SULF1: variants seen among roughly 807,000 people sequenced by gnomAD.
The protein encoded by SULF1 is extracellular sulfatase Sulf-1.
A neutral mutation model predicts 110.5 loss-of-function variants in SULF1; 46 were observed. The ratio of observed to expected loss-of-function variants is 0.42; its 90% CI spans 0.33 to 0.53. The LOEUF (loss-of-function observed/expected upper bound fraction) is 0.53, where lower values mean the gene tolerates loss of function less well. Ranked by LOEUF, SULF1 falls within the 20% of genes least tolerant of loss-of-function variation. The pLI, the probability that SULF1 is intolerant of heterozygous loss-of-function variation, is 0.12. For synonymous variants in SULF1, 371 were observed against 387.1 expected (o/e 0.96, Z 0.49); for missense variants, 941 against 1,094.2 (o/e 0.86, Z 1.98).
chr8:69,470,462 A>T (rs1295155229), intron 1 of SULF1, among the ~76,000 whole-genome samples: 1 of 152,092 alleles, frequency 6.6e-6, no homozygotes, highest in Admixed American at 6.5e-5. Context: ...GGAATTCGCC[A>T]GTTAGCCTTT....
chr8:69,645,345 G>A (rs528019859), intron 22 of SULF1, among the ~76,000 whole-genome samples: 24 of 152,214 alleles, frequency 1.6e-4, no homozygotes, highest in African/African-American at 5.1e-4. Context: ...AGTATAGCAC[G>A]TGCAGAACTC....
chr8:69,647,264 C>CA (rs1412041735), intron 22 of SULF1, among the ~76,000 whole-genome samples: 1 of 152,024 alleles, frequency 6.6e-6, no homozygotes, highest in African/African-American at 2.4e-5. Context: ...TTTTGAAGGA[C>CA]ATTTATCTTC....
At chr8:69,594,647 C>T (rs969590948) in intron 8 of SULF1, among the ~76,000 whole-genome samples, 18 of 152,054 alleles carry the variant, frequency 1.2e-4, no homozygotes, top group African/African-American at 3.6e-4. Flanking sequence ...TTTGCACATT[C>T]GTACCTCTTT....
upstream of SULF1, among the ~76,000 whole-genome samples, chr8:69,490,917 A>G (rs1335694847): frequency 6.6e-6 from 1 of 152,236 alleles, no homozygotes; most frequent in Non-Finnish European, 1.5e-5. Flanking sequence ...CCTGAGCATA[A>G]CAAAATGAGA....
At chr8:69,545,785 C>T (rs1586361383) in intron 3 of SULF1, among the ~76,000 whole-genome samples, 1 of 152,198 alleles carries the variant, frequency 6.6e-6, no homozygotes, top group East Asian at 1.9e-4. Flanking sequence ...CAACCTCCAC[C>T]TTCCAGGTTC....
chr8:69,589,905 G>A (rs929390163), intron 8 of SULF1, among the ~76,000 whole-genome samples: 1 of 152,188 alleles, frequency 6.6e-6, no homozygotes, highest in African/African-American at 2.4e-5. Context: ...CTTCCACACA[G>A]AGCAGTGGAG....
intron 19 of SULF1, among the ~76,000 whole-genome samples, chr8:69,634,744 A>T (rs984275185): frequency 6.6e-6 from 1 of 151,688 alleles, no homozygotes. Flanking sequence ...TGTCTCAAAG[A>T]AAAAAAAAGA....
At chr8:69,575,277 C>T (rs1306654724) in intron 5 of SULF1, among the ~76,000 whole-genome samples, 2 of 151,946 alleles carry the variant, frequency 1.3e-5, no homozygotes, top group African/African-American at 4.8e-5. Context: ...ATTTTACAAC[C>T]CTGCAAATAC....
At chr8:69,631,113 T>C (rs1026595742) in intron 19 of SULF1, among the ~76,000 whole-genome samples, 1 of 152,062 alleles carries the variant, frequency 6.6e-6, no homozygotes, top group Non-Finnish European at 1.5e-5. Context: ...AGAGAAGCGA[T>C]CCCTGTGGGA....
At chr8:69,501,842 A>G (rs1189764203) in intron 2 of SULF1, 32 bp from the exon 3 acceptor site, 1 of 152,208 alleles carries the variant, frequency 6.6e-6, no homozygotes, top group Admixed American at 6.5e-5. Context: ...ATAAAACGTA[A>G]CTGATGGCAA....
chr8:69,556,292 A>G (rs1310931392), intron 3 of SULF1, among the ~76,000 whole-genome samples: 2 of 152,194 alleles, frequency 1.3e-5, no homozygotes, highest in South Asian at 2.1e-4. Context: ...GAGTGGGGCC[A>G]CAAGACTAGT....
chr8:69,650,813 G>T (rs540434883), intron 22 of SULF1, among the ~76,000 whole-genome samples: 3 of 151,946 alleles, frequency 2.0e-5, no homozygotes, highest in Non-Finnish European at 2.9e-5. Context: ...TGACCACCTC[G>T]TTGCTTTCTG....
rs528372494 is a variant in SULF1, at chr8:69,616,070, G to A, written c.1378-4965G>A. ...TATATATATACACACACATATATAT[G>A]TGTGTATATATAATGTGTATATATA... On this transcript the variant is annotated intron_variant, in intron 13 of 22. Coordinates refer to ENST00000402687, the MANE Select transcript of SULF1 (RefSeq NM_001128205.2). Among the ~76,000 whole-genome samples the A allele has an allele frequency of 5.8e-5, 8 of 137,956 alleles. No homozygotes were observed. In the East Asian group the frequency reaches 1.7e-3, roughly 30 times the overall value. 90.5% of individuals were successfully genotyped at this position (137,956 alleles called of 152,430 possible).
At chr8:69,477,428 A>T (rs573713805) in intron 1 of SULF1, among the ~76,000 whole-genome samples, 2 of 152,326 alleles carry the variant, frequency 1.3e-5, no homozygotes, top group African/African-American at 4.8e-5. Context: ...TGCTTCTACC[A>T]CTGTCATAAC....
chr8:69,512,650 G>A (rs565796372), intron 3 of SULF1, among the ~76,000 whole-genome samples: 12 of 152,240 alleles, frequency 7.9e-5, no homozygotes, highest in South Asian at 6.2e-4. Flanking sequence ...GTTGGAGAGC[G>A]TATAACCGAG....
Position 69,629,729 on chromosome 8 carries a change from G to A in SULF1, c.2284+50G>A, listed in dbSNP as rs201966735. 354 of 1,460,174 alleles carry A rather than the reference G, an allele frequency of 2.4e-4. 1 individual carries two copies. In the East Asian group the frequency reaches 5.8e-3, roughly 24 times the overall value. The allele number at this position is 1,460,174 out of a possible 1,614,324, so 90.5% of individuals were successfully genotyped here. On this transcript the variant is annotated intron_variant, in intron 19 of 22. Coordinates refer to ENST00000402687, the MANE Select transcript of SULF1 (RefSeq NM_001128205.2). ...CTTCCTGCCGCCATGCAGAGACAGCGACTCATAACTTAGATCAGAAATTCA... is the reference window on the plus strand; with the variant it reads ...CTTCCTGCCGCCATGCAGAGACAGCAACTCATAACTTAGATCAGAAATTCA...
intron 3 of SULF1, among the ~76,000 whole-genome samples, chr8:69,531,791 TG>T (rs1167368594): frequency 6.6e-6 from 1 of 152,302 alleles, no homozygotes; most frequent in Non-Finnish European, 1.5e-5. Flanking sequence ...TGTCTTTCTC[TG>T]GAATTTCCAA....
rs140208702 is a variant in SULF1, at chr8:69,519,644, T to C, written c.-134+17676T>C. ...AGAATAAAAAGTAGCAGGGCTGTTT[T>C]CAGCATTCAGTCTATGAAGTTGACA... On this transcript the variant is annotated intron_variant, in intron 3 of 22. Transcript: ENST00000402687. Among the ~76,000 whole-genome samples the C allele has an allele frequency of 3.4e-3, 525 of 152,326 alleles. 2 individuals carry two copies. Among genetic ancestry groups the C allele is most frequent in the Non-Finnish European group, 4.4e-3 (298 of 68,006 alleles).
intron 22 of SULF1, among the ~76,000 whole-genome samples, chr8:69,646,323 A>G (rs1410742330): frequency 6.6e-6 from 1 of 152,148 alleles, no homozygotes; most frequent in Non-Finnish European, 1.5e-5. Context: ...TGCTAACAGT[A>G]TTACAACACT....
Sources: gnomAD v4.1 joint callset for allele counts (sites outside exome capture counted in the v4.1 genomes callset) on GRCh38, gnomAD v4.1.1 for gene constraint, MANE v1.5 for transcripts, NCBI Gene and HGNC (gene_info 2026-07-23, HGNC 2026-07-21) for gene names.